Variants in TRIT1 observed in about 807,000 individuals in gnomAD.
The protein encoded by TRIT1 is tRNA dimethylallyltransferase.
In TRIT1, 43 loss-of-function variants were observed where a neutral mutation model predicts 51.2. That is an observed-to-expected ratio of 0.84 (90% CI 0.66 to 1.08). The LOEUF (loss-of-function observed/expected upper bound fraction) is 1.08. Among genes scored for constraint, TRIT1 ranks in the 50% least tolerant of loss-of-function variants. TRIT1 has a pLI of 0.00. For missense variants in TRIT1, 528 were observed against 578.4 expected, an observed-to-expected ratio of 0.91 and a Z score of 0.89; for synonymous variants, 184 against 203.9, an observed-to-expected ratio of 0.90 and a Z score of 0.83.
At chr1:39,844,079 C>A in intron 10 of TRIT1, 22 bp downstream of exon 10, 1 of 1,567,192 alleles carries the variant, frequency 6.4e-7, no homozygotes, top group South Asian at 1.1e-5. Context: ...TAGATTTCTT[C>A]ATGCCCCTCC....
Position 39,841,597 on chromosome 1 carries a change from A to C in TRIT1, c.*147T>G. 1.3e-6 allele frequency: 1 copy of C among 788,146 alleles called. No homozygotes were observed. 48.8% of individuals were successfully genotyped at this position (788,146 alleles called of 1,614,324 possible). On this transcript the variant is annotated 3_prime_UTR_variant, in exon 11 of 11. Transcript: ENST00000316891. ...CTATTATAGAGAACGTGAGACTTTA[A>C]AACCACATCAAAAGAAAATGGTGGG...
intron 1 of TRIT1, among the ~76,000 whole-genome samples, chr1:39,882,769 T>C (rs1281370482): frequency 6.6e-6 from 1 of 152,154 alleles, no homozygotes; most frequent in Non-Finnish European, 1.5e-5. Context: ...TAAAATAACG[T>C]CCAAATAAAC....
rs1642285356 is a variant in TRIT1 at position 39,847,304 on chromosome 1, G to A, written c.929-7C>T. On this transcript the variant is annotated splice_polypyrimidine_tract_variant and splice_region_variant and intron_variant, in intron 7 of 10. Transcript: ENST00000316891. ...TGTTTCAGAGCCTCAATACCTGAAA[G>A]ATACAGTAGATTTAAGAACATCTAG... is the stretch of plus-strand genomic sequence containing the variant. The A allele has an allele frequency of 1.2e-6, 2 of 1,613,164 alleles. No individual in the cohort carries two copies. The highest frequency in any genetic ancestry group is 8.5e-7 in the Non-Finnish European group (1 of 1,179,126).
intron 1 of TRIT1, among the ~76,000 whole-genome samples, chr1:39,871,370 T>C: frequency 6.6e-6 from 1 of 152,150 alleles, no homozygotes; most frequent in East Asian, 1.9e-4. Context: ...TTGCTTGAGC[T>C]CAGGAGTTCC....
chr1:39,857,470 A>C, intron 1 of TRIT1, 53 bp from the exon 2 acceptor site: 5 of 1,582,390 alleles, frequency 3.2e-6, no homozygotes, highest in Admixed American at 3.6e-5. Context: ...TAAAAGATGC[A>C]TACTTAATGA....
intron 1 of TRIT1, among the ~76,000 whole-genome samples, chr1:39,864,804 C>T (rs953073649): frequency 6.6e-6 from 1 of 151,996 alleles, no homozygotes; most frequent in African/African-American, 2.4e-5. Flanking sequence ...CAGCAGTGTC[C>T]GTGGCAGTGG....
intron 2 of TRIT1, among the ~76,000 whole-genome samples, chr1:39,854,635 T>C (rs1232746247): frequency 2.6e-5 from 4 of 152,248 alleles, no homozygotes; most frequent in Non-Finnish European, 5.9e-5. Context: ...TCAGCCTGTC[T>C]GAGTTTCAGT....
rs1652509026 is a variant in TRIT1 at position 39,840,413 on chromosome 1, G to T, written c.*1331C>A. 1.3e-5 allele frequency among the ~76,000 whole-genome samples: 2 copies of T among 152,212 alleles called. No homozygotes were observed. The highest frequency in any genetic ancestry group is 4.8e-5 in the African/African-American group (2 of 41,444). On this transcript the variant is annotated 3_prime_UTR_variant, in exon 11 of 11. Coordinates refer to ENST00000316891, the MANE Select transcript of TRIT1 (RefSeq NM_017646.6). The stretch of plus-strand genomic sequence containing the variant: ...TTTATCAAGAATTGCTTTTCAAGGT[G>T]CAGCAGAAATGCTCCTCCTTCCATG...
At chr1:39,874,848 A>G (rs1643997835) in intron 1 of TRIT1, among the ~76,000 whole-genome samples, 1 of 151,690 alleles carries the variant, frequency 6.6e-6, no homozygotes, top group Non-Finnish European at 1.5e-5. Context: ...TTGTATTTTT[A>G]GTGGAGATAG....
intron 1 of TRIT1, among the ~76,000 whole-genome samples, chr1:39,880,763 C>T (rs934185367): frequency 2.0e-5 from 3 of 150,994 alleles, no homozygotes; most frequent in African/African-American, 7.3e-5. Flanking sequence ...TGCGCCACTG[C>T]ACTCCAGCCT....
At chr1:39,849,941 T>C (rs1176791732) in intron 5 of TRIT1, among the ~76,000 whole-genome samples, 178 bp downstream of exon 5, 1 of 152,162 alleles carries the variant, frequency 6.6e-6, no homozygotes, top group Non-Finnish European at 1.5e-5. Flanking sequence ...CAAACAGATA[T>C]CTAGGGGAAT....
chr1:39,881,159 G>A (rs1023551969), intron 1 of TRIT1, among the ~76,000 whole-genome samples: 1 of 150,308 alleles, frequency 6.7e-6, no homozygotes, highest in Non-Finnish European at 1.5e-5. Context: ...CCAGGAGGCA[G>A]AGGTTGCAGT....
chr1:39,854,693 A>G (rs1248024902), intron 2 of TRIT1, among the ~76,000 whole-genome samples: 1 of 152,256 alleles, frequency 6.6e-6, no homozygotes, highest in Non-Finnish European at 1.5e-5. Context: ...GACAATTCAT[A>G]GAAATCCCCT....
At chr1:39,879,872 CA>C (rs11406062) in intron 1 of TRIT1, among the ~76,000 whole-genome samples, 4,162 of 49,148 alleles carry the variant, frequency 0.085, 162 homozygotes, top group African/African-American at 0.29. Flanking sequence ...AACTCCATCT[CA>C]AAAAAAAAAA....
chr1:39,852,489 G>A, intron 4 of TRIT1: 1 of 448,536 alleles, frequency 2.2e-6, no homozygotes, highest in Non-Finnish European at 3.9e-6. Flanking sequence ...ACATTATATA[G>A]GCCCTAGGGG....
At chr1:39,853,397 G>A (rs1012448467) in intron 3 of TRIT1, among the ~76,000 whole-genome samples, 4 of 141,266 alleles carry the variant, frequency 2.8e-5, no homozygotes, top group Non-Finnish European at 4.6e-5. Context: ...TTCTTGAATC[G>A]CATCTGTTTT....
At chr1:39,851,843 G>A (rs1036092765) in intron 4 of TRIT1, among the ~76,000 whole-genome samples, 10 of 151,456 alleles carry the variant, frequency 6.6e-5, no homozygotes, top group African/African-American at 1.7e-4. Context: ...AGCTACTCAG[G>A]AGGCCGAGGC....
chr1:39,863,928 A>ATTG (rs1643390986), intron 1 of TRIT1, among the ~76,000 whole-genome samples: 1 of 152,130 alleles, frequency 6.6e-6, no homozygotes, highest in Non-Finnish European at 1.5e-5. Context: ...GACATCTGGC[A>ATTG]ATGTCCAGGC....
chr1:39,862,279 C>T (rs1220376289), intron 1 of TRIT1, among the ~76,000 whole-genome samples: 3 of 146,910 alleles, frequency 2.0e-5, no homozygotes, highest in Non-Finnish European at 4.5e-5. Flanking sequence ...AAATGGCCAC[C>T]GAAATGGTTA....
Sources: gnomAD v4.1 joint callset for allele counts (sites outside exome capture counted in the v4.1 genomes callset) on GRCh38, gnomAD v4.1.1 for gene constraint, MANE v1.5 for transcripts, NCBI Gene and HGNC (gene_info 2026-07-23, HGNC 2026-07-21) for gene names.